SLAIN2: variants seen among roughly 807,000 people sequenced by gnomAD.
SLAIN2 encodes SLAIN family member 2.
In SLAIN2, 31 loss-of-function variants were observed where a neutral mutation model predicts 56.6. That is an observed-to-expected ratio of 0.55 (90% CI 0.41 to 0.74). The LOEUF is 0.74. Among genes scored for constraint, SLAIN2 ranks in the 30% least tolerant of loss-of-function variants. The pLI is 0.00. For synonymous variants in SLAIN2, 317 were observed against 284.9 expected (o/e 1.11, Z -1.13); for missense variants, 777 against 754.2 (o/e 1.03, Z -0.35).
intron 6 of SLAIN2, among the ~76,000 whole-genome samples, chr4:48,388,349 GGCTAAT>G (rs1408672015): frequency 6.6e-6 from 1 of 152,114 alleles, no homozygotes; most frequent in Non-Finnish European, 1.5e-5. Context: ...TTTTTCAAAA[GGCTAAT>G]GCCTTGCTTT....
intron 1 of SLAIN2, among the ~76,000 whole-genome samples, chr4:48,365,330 C>T (rs1166764500): frequency 2.0e-5 from 3 of 147,224 alleles, no homozygotes; most frequent in African/African-American, 5.0e-5. Flanking sequence ...ACTAGTTGGG[C>T]GTGGTGGCGG....
Position 48,365,549 on chromosome 4 carries a change from GTTTA to G in SLAIN2, c.390-4284_390-4281del, listed in dbSNP as rs200595702. ...TATAATTTCCTTCTGGCTACTTTGG[GTTTA>G]TTTATTTATTTATTTTTATTTTTTT... is the stretch of plus-strand genomic sequence containing the variant. On this transcript the variant is annotated intron_variant, in intron 1 of 7. Coordinates refer to ENST00000264313, the MANE Select transcript of SLAIN2 (RefSeq NM_020846.2). Among the ~76,000 whole-genome samples the G allele has an allele frequency of 5.8e-3, 874 of 151,282 alleles. 7 individuals carry two copies. Among genetic ancestry groups the G allele is most frequent in the African/African-American group, 0.02 (832 of 41,240 alleles).
At chr4:48,365,444 CAAAAAAAAAAAAAA>C (rs34317951) in intron 1 of SLAIN2, among the ~76,000 whole-genome samples, 3 of 56,990 alleles carry the variant, frequency 5.3e-5, no homozygotes, top group Non-Finnish European at 6.7e-5. Flanking sequence ...GACTCCATCT[CAAAAAAAAAAAAAA>C]AAAAAAAGCA....
intron 6 of SLAIN2, among the ~76,000 whole-genome samples, chr4:48,399,499 T>C (rs1716492301): frequency 6.6e-6 from 1 of 152,192 alleles, no homozygotes. Flanking sequence ...CTTTATTTTT[T>C]TCTCTTACCT....
intron 6 of SLAIN2, among the ~76,000 whole-genome samples, chr4:48,404,147 A>G (rs114531297): frequency 6.6e-6 from 1 of 152,232 alleles, no homozygotes; most frequent in South Asian, 2.1e-4. Context: ...AAGGTGCAGA[A>G]TGAACTCACT....
intron 1 of SLAIN2, among the ~76,000 whole-genome samples, chr4:48,345,114 A>C (rs1393223321): frequency 6.6e-6 from 1 of 152,210 alleles, no homozygotes; most frequent in African/African-American, 2.4e-5. Context: ...AATAATGCGC[A>C]CTGAATGATG....
chr4:48,391,110 CA>C (rs1446362946), intron 6 of SLAIN2, among the ~76,000 whole-genome samples: 1 of 152,180 alleles, frequency 6.6e-6, no homozygotes, highest in Non-Finnish European at 1.5e-5. Flanking sequence ...AGAATTGAGG[CA>C]ACTCCAAATC....
intron 1 of SLAIN2, among the ~76,000 whole-genome samples, chr4:48,353,987 A>G (rs368272553): frequency 2.0e-5 from 3 of 152,308 alleles, no homozygotes; most frequent in African/African-American, 4.8e-5. Flanking sequence ...AGATGATGCT[A>G]TTTTGAGGGT....
In SLAIN2 at chr4:48,341,623, G is replaced by A. The variant is rs1358063476; in HGVS notation, c.-117G>A. 5 of 1,425,808 alleles carry A rather than the reference G, an allele frequency of 3.5e-6. No homozygotes were observed. In the African/African-American group the frequency reaches 7.5e-5, roughly 21 times the overall value. 88.3% of individuals were successfully genotyped at this position (1,425,808 alleles called of 1,614,324 possible). On this transcript the variant is annotated 5_prime_UTR_variant, in exon 1 of 8. Transcript: ENST00000264313. Reference sequence around the variant, plus strand: ...GACCCTGGCGGTGGGGCCTGGTCCTGCTATATGCCGGCGCCTCGGCTAGAG... The same window carrying A: ...GACCCTGGCGGTGGGGCCTGGTCCTACTATATGCCGGCGCCTCGGCTAGAG...
chr4:48,362,750 C>G (rs12381243), intron 1 of SLAIN2, among the ~76,000 whole-genome samples: 2 of 93,266 alleles, frequency 2.1e-5, no homozygotes, highest in South Asian at 3.9e-4. Context: ...TTTTTTTATT[C>G]TTTTTTTTTT....
chr4:48,354,447 C>T (rs1314521802), intron 1 of SLAIN2, among the ~76,000 whole-genome samples: 2 of 146,896 alleles, frequency 1.4e-5, no homozygotes, highest in Non-Finnish European at 3.0e-5. Flanking sequence ...GAGAGAGATC[C>T]TCGTTAATTG....
At chr4:48,378,128 A>T (rs1171794488) in intron 3 of SLAIN2, 68 bp downstream of exon 3, 1 of 1,484,974 alleles carries the variant, frequency 6.7e-7, no homozygotes, top group African/African-American at 1.4e-5. Context: ...TCAGAAAATA[A>T]CATTCATCTG....
At chr4:48,351,869 A>G (rs1715016600) in intron 1 of SLAIN2, among the ~76,000 whole-genome samples, 1 of 152,252 alleles carries the variant, frequency 6.6e-6, no homozygotes, top group Non-Finnish European at 1.5e-5. Context: ...TATGGGCTTA[A>G]AAGTGAGAGC....
At chr4:48,394,658 C>G in intron 6 of SLAIN2, 1 of 1,534,950 alleles carries the variant, frequency 6.5e-7, no homozygotes, top group Non-Finnish European at 8.7e-7. Flanking sequence ...AAAGAGGTAA[C>G]TACAGCCTCT....
intron 1 of SLAIN2, among the ~76,000 whole-genome samples, chr4:48,344,460 AGT>A (rs1714810399): frequency 6.6e-6 from 1 of 152,142 alleles, no homozygotes; most frequent in Non-Finnish European, 1.5e-5. Context: ...GATGTCAATA[AGT>A]GTTATGTAGA....
chr4:48,370,829 A>G (rs960501117), intron 2 of SLAIN2, among the ~76,000 whole-genome samples: 6 of 152,224 alleles, frequency 3.9e-5, no homozygotes, highest in African/African-American at 1.4e-4. Context: ...CTTGGCAGCC[A>G]TGTACTTAAA....
At chr4:48,375,484 A>C (rs1715787317) in intron 2 of SLAIN2, among the ~76,000 whole-genome samples, 1 of 151,858 alleles carries the variant, frequency 6.6e-6, no homozygotes, top group Non-Finnish European at 1.5e-5. Context: ...TTTAATATCT[A>C]TCCTTTTTTT....
At chr4:48,365,208 C>G (rs1375872321) in intron 1 of SLAIN2, among the ~76,000 whole-genome samples, 1 of 151,944 alleles carries the variant, frequency 6.6e-6, no homozygotes, top group East Asian at 1.9e-4. Context: ...GTGGCTCATG[C>G]CTGTAATCCC....
rs141321669 is a variant in SLAIN2 at position 48,392,980 on chromosome 4, G to A, written c.1360+9196G>A. 8.7e-3 allele frequency among the ~76,000 whole-genome samples: 1,321 copies of A among 151,516 alleles called. 36 individuals are homozygous for A. Among genetic ancestry groups the A allele is most frequent in the Admixed American group, 0.053 (804 of 15,138 alleles). ...GAATGAAAAAAACAGGAACAAGTGA[G>A]TAGATGAATAAAAATATAAATGGTT... On this transcript the variant is annotated intron_variant, in intron 6 of 7. Coordinates refer to ENST00000264313, the MANE Select transcript of SLAIN2 (RefSeq NM_020846.2).
Sources: allele counts gnomAD v4.1 joint callset (sites outside exome capture counted in the v4.1 genomes callset), GRCh38; gene constraint gnomAD v4.1.1; transcripts MANE v1.5; gene names NCBI Gene and HGNC (gene_info 2026-07-23, HGNC 2026-07-21).